Variants in DPP10 observed in about 807,000 individuals in gnomAD.
DPP10 encodes the protein dipeptidyl peptidase like 10, also known as inactive dipeptidyl peptidase 10.
DPP10 carries 33 observed loss-of-function variants against 120.9 expected under a neutral mutation model. The ratio of observed to expected loss-of-function variants is 0.27; its 90% CI spans 0.21 to 0.37. The LOEUF (loss-of-function observed/expected upper bound fraction) is 0.37. Among genes scored for constraint, DPP10 ranks in the 10% least tolerant of loss-of-function variants. DPP10 has a pLI of 1.00. For synonymous variants in DPP10, 337 were observed against 326.1 expected (o/e 1.03, Z -0.36); for missense variants, 816 against 942.8 (o/e 0.87, Z 1.76).
intron 1 of DPP10, among the ~76,000 whole-genome samples, chr2:115,286,955 ATC>A (rs754253238): frequency 1.9e-4 from 29 of 152,036 alleles, no homozygotes; most frequent in Non-Finnish European, 7.4e-5. Flanking sequence ...AGGTACAAAG[ATC>A]TCTCTGTGAA....
At chr2:114,742,682 A>G (rs1384559340) in intron 1 of DPP10, among the ~76,000 whole-genome samples, 2 of 152,348 alleles carry the variant, frequency 1.3e-5, no homozygotes, top group East Asian at 1.9e-4. Context: ...GCACTCAAAT[A>G]CAGACCACAC....
At chr2:115,221,762 T>G (rs1384353807) in intron 1 of DPP10, among the ~76,000 whole-genome samples, 1 of 22,646 alleles carries the variant, frequency 4.4e-5, no homozygotes, top group South Asian at 1.4e-3. Flanking sequence ...CTGTTTTTTT[T>G]TTTTTTTTTT....
chr2:114,899,622 T>C (rs1289798311), intron 1 of DPP10, among the ~76,000 whole-genome samples: 1 of 149,606 alleles, frequency 6.7e-6, no homozygotes, highest in African/African-American at 2.5e-5. Context: ...AGTTTTATTC[T>C]TTTCTAATTT....
chr2:115,016,480 C>A (rs1322178254), intron 1 of DPP10, among the ~76,000 whole-genome samples: 1 of 152,078 alleles, frequency 6.6e-6, no homozygotes, highest in Non-Finnish European at 1.5e-5. Flanking sequence ...AAAGCAATGA[C>A]AACAAAAGCC....
At chr2:114,451,996 T>A (rs1462313593) in intron 1 of DPP10, among the ~76,000 whole-genome samples, 3 of 152,182 alleles carry the variant, frequency 2.0e-5, no homozygotes, top group African/African-American at 7.2e-5. Flanking sequence ...TCTTGAAGGT[T>A]ATTAATAACT....
intron 2 of DPP10, among the ~76,000 whole-genome samples, chr2:115,330,908 G>A (rs1397526291): frequency 2.6e-5 from 4 of 152,026 alleles, no homozygotes; most frequent in East Asian, 3.9e-4. Context: ...TGGCAATGTG[G>A]GCTCTTTTTT....
intron 1 of DPP10, among the ~76,000 whole-genome samples, chr2:114,643,919 GTATA>G (rs1164494200): frequency 4.6e-5 from 6 of 131,158 alleles, no homozygotes; most frequent in African/African-American, 1.2e-4. Context: ...ATATGTGTGT[GTATA>G]TATATATATA....
intron 10 of DPP10, among the ~76,000 whole-genome samples, chr2:115,746,461 A>G (rs1438297622): frequency 1.3e-5 from 2 of 152,158 alleles, no homozygotes; most frequent in African/African-American, 4.8e-5. Context: ...TGGGAACAAA[A>G]GATCATTTTC....
At chr2:115,458,535 A>T (rs1484323829) in intron 3 of DPP10, among the ~76,000 whole-genome samples, 1 of 152,092 alleles carries the variant, frequency 6.6e-6, no homozygotes, top group Admixed American at 6.6e-5. Context: ...AAAGAAAGAA[A>T]ATGAAAAGGC....
At chr2:115,068,457 T>A (rs1219596656) in intron 1 of DPP10, among the ~76,000 whole-genome samples, 1 of 152,196 alleles carries the variant, frequency 6.6e-6, no homozygotes, top group African/African-American at 2.4e-5. Flanking sequence ...ATTCCTTATA[T>A]GTTTTGGATA....
At chr2:114,471,729 T>C (rs1679934957) in intron 1 of DPP10, among the ~76,000 whole-genome samples, 1 of 152,200 alleles carries the variant, frequency 6.6e-6, no homozygotes, top group South Asian at 2.1e-4. Context: ...ACTTAAATGG[T>C]CTCACACAAC....
At chr2:115,680,760 A>T (rs1407956691) in intron 5 of DPP10, among the ~76,000 whole-genome samples, 4 of 151,966 alleles carry the variant, frequency 2.6e-5, no homozygotes, top group African/African-American at 9.7e-5. Context: ...ACACAAAATG[A>T]AAACACAGAT....
chr2:115,840,320 T>TTTTTTG (rs1206765674), intron 24 of DPP10, among the ~76,000 whole-genome samples: 12 of 3,076 alleles, frequency 3.9e-3, no homozygotes, highest in African/African-American at 6.6e-3. Flanking sequence ...GGTTTTTTGG[T>TTTTTTG]TTTTTTTTTT....
Position 115,328,184 on chromosome 2 carries a change from A to T in DPP10, c.176-15633A>T, listed in dbSNP as rs528241864. Among the ~76,000 whole-genome samples the T allele has an allele frequency of 5.3e-5, 8 of 152,206 alleles. No individual in the cohort carries two copies. In the South Asian group the frequency reaches 1.2e-3, roughly 24 times the overall value. ...TATAGAGCCATAACACTTTAGGGTA[A>T]AAGGAGGACATCATTTCAGGGTGTA... On this transcript the variant is annotated intron_variant, in intron 2 of 25. Transcript: ENST00000410059.
intron 21 of DPP10, among the ~76,000 whole-genome samples, chr2:115,817,416 C>T (rs116568296): frequency 0.013 from 1,957 of 152,010 alleles, 44 homozygotes; most frequent in African/African-American, 0.042. Context: ...TTAATTGGGG[C>T]GTAAATTTTA....
At chr2:114,943,939 G>A (rs1164132364) in intron 1 of DPP10, among the ~76,000 whole-genome samples, 2 of 152,042 alleles carry the variant, frequency 1.3e-5, no homozygotes, top group African/African-American at 4.8e-5. Flanking sequence ...GTTATTATCC[G>A]ACTTTCAACA....
intron 3 of DPP10, among the ~76,000 whole-genome samples, chr2:115,354,183 A>G (rs7558115): frequency 0.2 from 29,848 of 152,062 alleles, 3,278 homozygotes; most frequent in East Asian, 0.36. Context: ...TTTTAGATTC[A>G]GGGGTACATG....
At position 115,198,334 on chromosome 2, in the gene DPP10, G is replaced by A. The variant is rs180856009; in HGVS notation, c.61-110905G>A. 1.2e-3 allele frequency among the ~76,000 whole-genome samples: 189 copies of A among 152,156 alleles called. 1 individual carries two copies. The highest frequency in any genetic ancestry group is 3.9e-3 in the African/African-American group (161 of 41,512). ...AACACCCTCTTACTAATACCACTCA[G>A]CTTTATGGCACCACTTTTGGTTGTG... On this transcript the variant is annotated intron_variant, in intron 1 of 25. Transcript: ENST00000410059.
At chr2:115,735,407 T>C (rs1165987693) in intron 8 of DPP10, among the ~76,000 whole-genome samples, 1 of 152,148 alleles carries the variant, frequency 6.6e-6, no homozygotes, top group Non-Finnish European at 1.5e-5. Flanking sequence ...AGTTGCCTTC[T>C]TCCAATGTTC....
Sources: allele counts gnomAD v4.1 joint callset (sites outside exome capture counted in the v4.1 genomes callset), GRCh38; gene constraint gnomAD v4.1.1; transcripts MANE v1.5; gene names NCBI Gene and HGNC (gene_info 2026-07-23, HGNC 2026-07-21).